Variants in AHRR observed in about 807,000 individuals in gnomAD.
The protein encoded by AHRR is aryl hydrocarbon receptor repressor.
In AHRR, 28 loss-of-function variants were observed where a neutral mutation model predicts 44.0. The observed-to-expected ratio is 0.64, with a 90% CI of 0.47 to 0.87. The LOEUF (loss-of-function observed/expected upper bound fraction) is 0.87, where lower values mean the gene tolerates loss of function less well. AHRR is among the 40% of genes least tolerant of loss of function. AHRR has a pLI of 0.00. For synonymous variants in AHRR, 434 were observed against 407.0 expected (o/e 1.07, Z -0.80); for missense variants, 990 against 953.9 (o/e 1.04, Z -0.50).
chr5:327,888 C>CATGAGTGAGAACATGCGGTGT (rs1741766624), intron 1 of AHRR, among the ~76,000 whole-genome samples: 1 of 152,146 alleles, frequency 6.6e-6, no homozygotes, highest in East Asian at 1.9e-4. Context: ...CACCCATTAA[C>CATGAGTGAGAACATGCGGTGT]TCGTCATTTA....
chr5:434,407 G>A lies in AHRR; in HGVS notation c.1667G>A (p.Gly556Glu). Residue 556 changes from glycine (G) to glutamate (E), a missense_variant, in exon 11 of 11, where the codon GGG becomes GAG. Physicochemically the swap from Gly to Glu is moderately conservative, Grantham distance 98. Coordinates refer to ENST00000684583, the MANE Select transcript of AHRR (RefSeq NM_001377236.1). ...DGCVPSQVWLGASDRSHPATF... is the reference protein window; with the variant it reads ...DGCVPSQVWLEASDRSHPATF... ...TGTGTGCCCAGCCAGGTGTGGCTGGGGGCCAGTGACAGGAGCCACCCAGCC... is the reference window on the plus strand; with the variant it reads ...TGTGTGCCCAGCCAGGTGTGGCTGGAGGCCAGTGACAGGAGCCACCCAGCC... 2 of 1,613,374 alleles carry A rather than the reference G, an allele frequency of 1.2e-6. No homozygotes were observed. The highest frequency in any genetic ancestry group is 1.7e-6 in the Non-Finnish European group (2 of 1,179,978).
intron 3 of AHRR, among the ~76,000 whole-genome samples, chr5:360,423 A>C (rs533500566): frequency 2.0e-4 from 30 of 152,242 alleles, no homozygotes; most frequent in Non-Finnish European, 1.8e-4. Context: ...GCCCTGCACT[A>C]CATGCCACAT....
intron 4 of AHRR, among the ~76,000 whole-genome samples, chr5:402,387 A>C: frequency 7.0e-6 from 1 of 142,364 alleles, no homozygotes; most frequent in South Asian, 2.3e-4. Context: ...ACCCTCGTGC[A>C]CTGTTGGCGG....
chr5:394,900 C>T (rs1041563351), intron 4 of AHRR, among the ~76,000 whole-genome samples: 2 of 152,172 alleles, frequency 1.3e-5, no homozygotes, highest in Non-Finnish European at 2.9e-5. Context: ...GGGGTTTGCA[C>T]AAGAGGAGGG....
intron 2 of AHRR, among the ~76,000 whole-genome samples, chr5:350,947 T>A (rs1742838884): frequency 6.6e-6 from 1 of 151,422 alleles, no homozygotes; most frequent in Non-Finnish European, 1.5e-5. Context: ...GCAAAAGACT[T>A]GAATAGCCAT....
At position 411,950 on chromosome 5, in the gene AHRR, A is replaced by G. The variant is rs1376376843; in HGVS notation, c.352-1394A>G. On this transcript the variant is annotated intron_variant, in intron 4 of 10. Coordinates refer to ENST00000684583, the MANE Select transcript of AHRR (RefSeq NM_001377236.1). This position sits in a 1 kb window ranked among gnomAD's most constrained non-coding sequence, Gnocchi z 4.2. ...CTGTGCTTGCTCAGCGTCAGTGGCC[A>G]TTGCTGCCATGGACAGATCCTGCGA... Among the ~76,000 whole-genome samples, 1 of 152,156 alleles carries G rather than the reference A, an allele frequency of 6.6e-6. No homozygotes were observed. Among genetic ancestry groups the G allele is most frequent in the Non-Finnish European group, 1.5e-5 (1 of 68,030 alleles).
intron 4 of AHRR, among the ~76,000 whole-genome samples, chr5:408,335 C>T (rs1316103414): frequency 6.6e-6 from 1 of 151,750 alleles, no homozygotes; most frequent in African/African-American, 2.4e-5. Flanking sequence ...CACACACATA[C>T]ATGTTACCTG....
chr5:346,588 A>AC (rs1560885972), intron 2 of AHRR, among the ~76,000 whole-genome samples: 1 of 152,026 alleles, frequency 6.6e-6, no homozygotes, highest in Admixed American at 6.5e-5. Context: ...TCCGTCGCCC[A>AC]CCCCCGGGGG....
At chr5:397,787 ACCAT>A (rs1485853199) in intron 4 of AHRR, among the ~76,000 whole-genome samples, 3 of 107,816 alleles carry the variant, frequency 2.8e-5, no homozygotes, top group African/African-American at 1.1e-4. Context: ...GTAGCCCCTG[ACCAT>A]CCACGTAGCC....
intron 8 of AHRR, among the ~76,000 whole-genome samples, chr5:428,384 A>C (rs571916997): frequency 6.6e-6 from 1 of 152,340 alleles, no homozygotes; most frequent in East Asian, 1.9e-4. Flanking sequence ...AAGTGGAGGT[A>C]GTTCCCGGCT....
chr5:428,205 T>G (rs1736559277), intron 8 of AHRR, among the ~76,000 whole-genome samples, 199 bp downstream of exon 8: 1 of 152,266 alleles, frequency 6.6e-6, no homozygotes, highest in African/African-American at 2.4e-5. Flanking sequence ...ATTTGCAAAC[T>G]GGCACCAAAC....
At chr5:375,662 G>A (rs930903839) in intron 3 of AHRR, among the ~76,000 whole-genome samples, 10 of 152,222 alleles carry the variant, frequency 6.6e-5, no homozygotes, top group African/African-American at 2.4e-4. Context: ...CGGGAGACGC[G>A]GGAGCAGCAG....
At chr5:346,182 A>G (rs1277033467) in intron 2 of AHRR, among the ~76,000 whole-genome samples, 1 of 152,212 alleles carries the variant, frequency 6.6e-6, no homozygotes, top group African/African-American at 2.4e-5. Context: ...TGCAATTCAT[A>G]TATAAAGGGA....
Position 434,610 on chromosome 5 carries a change from G to C in AHRR, c.1870G>C (p.Gly624Arg), listed in dbSNP as rs758412461. 5 of 1,564,380 alleles carry C rather than the reference G, an allele frequency of 3.2e-6. No individual in the cohort carries two copies. Among genetic ancestry groups the C allele is most frequent in the Admixed American group, 3.8e-5 (2 of 52,540 alleles). Residue 624 changes from glycine to arginine, a missense_variant, in exon 11 of 11, where the codon GGC becomes CGC. By Grantham distance (125) the Gly-to-Arg change is moderately radical. Transcript: ENST00000684583. ...AHCACLEPTDGLPQSEPPHQL... is the reference protein window; with the variant it reads ...AHCACLEPTDRLPQSEPPHQL... ...CTGTGCCTGCCTGGAGCCCACAGAC[G>C]GCCTTCCCCAGTCGGAGCCTCCCCA...
rs1009813943 is a variant in AHRR at position 340,016 on chromosome 5, G to A, written c.-10-3877G>A. 2.6e-5 allele frequency among the ~76,000 whole-genome samples: 4 copies of A among 152,038 alleles called. No homozygotes were observed. The South Asian group carries it at 6.2e-4, about 24-fold the overall frequency. On this transcript the variant is annotated intron_variant, in intron 1 of 10. Coordinates refer to ENST00000684583, the MANE Select transcript of AHRR (RefSeq NM_001377236.1). ...GATGCTGGTCTTTAGTTTTCTTTTC[G>A]TGCAATGCCTTTGGTGTGGCATCAG...
chr5:423,311 T>C (rs9313065), intron 6 of AHRR, among the ~76,000 whole-genome samples: 56,105 of 152,116 alleles, frequency 0.37, 12,003 homozygotes, highest in Non-Finnish European at 0.48. Flanking sequence ...CAGGGCTTGC[T>C]CTCAACCTCC....
At chr5:376,484 A>G in intron 3 of AHRR, 126 bp from the exon 4 acceptor site, 3 of 790,898 alleles carry the variant, frequency 3.8e-6, no homozygotes, top group South Asian at 1.9e-5. Flanking sequence ...GGGTCAGTGC[A>G]GCCCAGGCCA....
intron 2 of AHRR, among the ~76,000 whole-genome samples, chr5:344,365 C>T (rs1422636435): frequency 6.9e-6 from 1 of 144,934 alleles, no homozygotes; most frequent in Admixed American, 6.9e-5. Context: ...GCGTGTGTGG[C>T]GAGGCTATGC....
In AHRR at chr5:432,484, G is replaced by A; in HGVS notation, c.930G>A (p.Leu310=). ...ADAKVKATTS[L]CESELHGKPN... ...ACAGAGTAAAAGCCACCACCAGTCTGTGCGAATCGGAACTGCATGGAAAAC... is the reference window on the plus strand; with the variant it reads ...ACAGAGTAAAAGCCACCACCAGTCTATGCGAATCGGAACTGCATGGAAAAC... Residue 310 remains leucine (L), a synonymous_variant, in exon 9 of 11, where the codon CTG becomes CTA. Transcript: ENST00000684583. The A allele has an allele frequency of 6.2e-7, 1 of 1,614,214 alleles. No homozygotes were observed. Among genetic ancestry groups the A allele is most frequent in the Non-Finnish European group, 8.5e-7 (1 of 1,180,026 alleles).
Sources: allele counts gnomAD v4.1 joint callset (sites outside exome capture counted in the v4.1 genomes callset), GRCh38; gene constraint gnomAD v4.1.1; non-coding constraint Gnocchi (gnomAD v3.1); transcripts MANE v1.5; gene names NCBI Gene and HGNC (gene_info 2026-07-23, HGNC 2026-07-21).